Variants in RAP1A observed in about 807,000 individuals in gnomAD.
RAP1A encodes the protein RAP1A, member of RAS oncogene family, also known as ras-related protein Rap-1A.
A neutral mutation model predicts 26.4 loss-of-function variants in RAP1A; 6 were observed. The ratio of observed to expected loss-of-function variants is 0.23; its 90% CI spans 0.12 to 0.45. The LOEUF (loss-of-function observed/expected upper bound fraction) is 0.45. Ranked by LOEUF, RAP1A falls within the 20% of genes least tolerant of loss-of-function variation. The pLI is 0.99. For missense variants in RAP1A, 121 were observed against 217.2 expected (o/e 0.56, Z 2.78); for synonymous variants, 73 against 79.4 (o/e 0.92, Z 0.43).
At chr1:111,594,079 C>A (rs902900163) in intron 1 of RAP1A, among the ~76,000 whole-genome samples, 5 of 152,066 alleles carry the variant, frequency 3.3e-5, no homozygotes, top group Admixed American at 1.3e-4. Context: ...TTCACTTGAC[C>A]CTGCAGTGGG....
rs1241614397 is a variant in RAP1A, at chr1:111,714,977, A to T, written c.*2576A>T. ...ATGCCATAGTTCATAGTTTGCTCTA[A>T]TGGCTTGGTGGTATCCCTGAACAGT... On this transcript the variant is annotated 3_prime_UTR_variant, in exon 8 of 8. Transcript: ENST00000369709. 6.6e-6 allele frequency: 1 copy of T among 152,228 alleles called. No homozygotes were observed. The highest frequency in any genetic ancestry group is 1.5e-5 in the Non-Finnish European group (1 of 68,040). 9.4% of individuals were successfully genotyped at this position (152,228 alleles called of 1,614,324 possible). A position where few individuals can be genotyped will look rare whatever the true frequency, so the allele number is the denominator to read the frequency against.
At chr1:111,657,800 A>C (rs1236862168) in intron 1 of RAP1A, among the ~76,000 whole-genome samples, 1 of 152,176 alleles carries the variant, frequency 6.6e-6, no homozygotes, top group Non-Finnish European at 1.5e-5. Flanking sequence ...CTTATTTTAT[A>C]AATTTTAATA....
chr1:111,691,658 G>A (rs1017422908), intron 2 of RAP1A, among the ~76,000 whole-genome samples: 2 of 152,206 alleles, frequency 1.3e-5, no homozygotes, highest in Non-Finnish European at 2.9e-5. Flanking sequence ...AAGCACCAGT[G>A]TTGATGATGC....
intron 2 of RAP1A, among the ~76,000 whole-genome samples, chr1:111,693,271 G>A (rs1661724468): frequency 6.6e-6 from 1 of 152,172 alleles, no homozygotes; most frequent in Non-Finnish European, 1.5e-5. Context: ...TTAAATGAGA[G>A]CTGAGGAAAT....
chr1:111,689,854 A>G (rs1285984693), intron 1 of RAP1A, among the ~76,000 whole-genome samples: 2 of 151,820 alleles, frequency 1.3e-5, no homozygotes, highest in Non-Finnish European at 1.5e-5. Context: ...TTTTTTGTAC[A>G]TTTAGTAGAG....
intron 1 of RAP1A, among the ~76,000 whole-genome samples, chr1:111,633,073 C>T (rs1442883009): frequency 1.3e-5 from 2 of 152,012 alleles, no homozygotes; most frequent in East Asian, 3.9e-4. Flanking sequence ...AAACCTAGAT[C>T]GAATGAAGAG....
intron 1 of RAP1A, among the ~76,000 whole-genome samples, chr1:111,596,856 C>A (rs1407640783): frequency 6.6e-6 from 1 of 152,220 alleles, no homozygotes; most frequent in Non-Finnish European, 1.5e-5. Context: ...CCAAAGGCCT[C>A]ACCTCTAAAT....
At chr1:111,652,666 A>G (rs887018778) in intron 1 of RAP1A, among the ~76,000 whole-genome samples, 1 of 152,110 alleles carries the variant, frequency 6.6e-6, no homozygotes, top group Non-Finnish European at 1.5e-5. Flanking sequence ...ATAATGAGAT[A>G]TTATTTCATA....
intron 1 of RAP1A, among the ~76,000 whole-genome samples, chr1:111,593,723 A>G (rs1264198662): frequency 7.2e-6 from 1 of 139,184 alleles, no homozygotes; most frequent in Non-Finnish European, 1.5e-5. Context: ...GAGCCCTTGG[A>G]ACAAGACAAA....
Position 111,703,496 on chromosome 1 carries a change from G to A in RAP1A, c.324+20G>A. The stretch of plus-strand genomic sequence containing the variant: ...GAAGATGTAAGTATTTTTTCTCTCT[G>A]TAAGATGTTATGCCATCTCTCTGTG... On this transcript the variant is annotated intron_variant, in intron 5 of 7. Coordinates refer to ENST00000369709, the MANE Select transcript of RAP1A (RefSeq NM_002884.4). 1.3e-6 allele frequency: 2 copies of A among 1,552,408 alleles called. No homozygotes were observed. Among genetic ancestry groups the A allele is most frequent in the Non-Finnish European group, 1.7e-6 (2 of 1,148,542 alleles).
chr1:111,617,167 C>T (rs994253761), upstream of RAP1A, among the ~76,000 whole-genome samples: 3 of 152,208 alleles, frequency 2.0e-5, no homozygotes, highest in African/African-American at 7.2e-5. Context: ...CACCAGGGCA[C>T]GTGGCTTTGT....
At chr1:111,676,405 A>G (rs941771114) in intron 1 of RAP1A, among the ~76,000 whole-genome samples, 2 of 152,056 alleles carry the variant, frequency 1.3e-5, no homozygotes, top group East Asian at 1.9e-4. Context: ...GCCAAACCAT[A>G]TCAGTATGTA....
chr1:111,543,455 A>G (rs1656920051), intron 1 of RAP1A, among the ~76,000 whole-genome samples: 1 of 152,194 alleles, frequency 6.6e-6, no homozygotes, highest in African/African-American at 2.4e-5. Flanking sequence ...TCTTAGAAAC[A>G]TAATTGGGTC....
chr1:111,699,463 CTT>C (rs11435540), intron 4 of RAP1A, among the ~76,000 whole-genome samples: 14 of 124,150 alleles, frequency 1.1e-4, no homozygotes, highest in Admixed American at 3.3e-4. Context: ...CTCACTTCCT[CTT>C]TTTTTTTTTT....
chr1:111,616,613 C>T (rs1173482952), upstream of RAP1A, among the ~76,000 whole-genome samples: 1 of 152,166 alleles, frequency 6.6e-6, no homozygotes, highest in Non-Finnish European at 1.5e-5. Context: ...GCCCTGTCTT[C>T]CCTCCCAGCT....
At chr1:111,656,635 A>C (rs985789749) in intron 1 of RAP1A, among the ~76,000 whole-genome samples, 1 of 152,114 alleles carries the variant, frequency 6.6e-6, no homozygotes, top group Non-Finnish European at 1.5e-5. Context: ...CTTAATTTAC[A>C]TGTCAGCATT....
At chr1:111,668,855 C>T (rs1003353819) in intron 1 of RAP1A, among the ~76,000 whole-genome samples, 3 of 151,360 alleles carry the variant, frequency 2.0e-5, no homozygotes, top group African/African-American at 7.3e-5. Context: ...ATGGTGAAAT[C>T]CCATCTCTAC....
intron 1 of RAP1A, among the ~76,000 whole-genome samples, chr1:111,673,828 G>C (rs1403435108): frequency 6.6e-6 from 1 of 152,270 alleles, no homozygotes; most frequent in Non-Finnish European, 1.5e-5. Flanking sequence ...TCATTTGTGT[G>C]TATGCTTTCT....
intron 1 of RAP1A, among the ~76,000 whole-genome samples, chr1:111,581,305 A>T (rs1388410868): frequency 6.6e-6 from 1 of 152,124 alleles, no homozygotes; most frequent in Non-Finnish European, 1.5e-5. Context: ...GACTGGAGAG[A>T]GGGAATAACC....
Sources: gnomAD v4.1 joint callset for allele counts (sites outside exome capture counted in the v4.1 genomes callset) on GRCh38, gnomAD v4.1.1 for gene constraint, MANE v1.5 for transcripts, NCBI Gene and HGNC (gene_info 2026-07-23, HGNC 2026-07-21) for gene names.